ARAP2: variants seen among roughly 807,000 people sequenced by gnomAD.
ARAP2 encodes the protein ArfGAP with RhoGAP domain, ankyrin repeat and PH domain 2, also known as arf-GAP with Rho-GAP domain, ANK repeat and PH domain-containing protein 2.
In ARAP2, 148 loss-of-function variants were observed where a neutral mutation model predicts 194.5. That is an observed-to-expected ratio of 0.76 (90% CI 0.67 to 0.87). The LOEUF is 0.87. Among genes scored for constraint, ARAP2 ranks in the 40% least tolerant of loss-of-function variants. ARAP2 has a pLI of 0.00. For missense variants in ARAP2, 2,128 were observed against 1,989.7 expected (o/e 1.07, Z -1.32); for synonymous variants, 695 against 683.5 (o/e 1.02, Z -0.26).
At chr4:36,061,080 A>T (rs1265374372), downstream of ARAP2, among the ~76,000 whole-genome samples, 1 of 152,096 alleles carries the variant, frequency 6.6e-6, no homozygotes, top group Non-Finnish European at 1.5e-5. Flanking sequence ...AAAAAATTTA[A>T]TTTTTATGGG....
Position 36,202,366 on chromosome 4 carries a change from C to A in ARAP2, c.1487+8024G>T, listed in dbSNP as rs73127496. 6.2e-3 allele frequency among the ~76,000 whole-genome samples: 941 copies of A among 152,138 alleles called. 12 individuals are homozygous for A. The highest frequency in any genetic ancestry group is 0.022 in the African/African-American group (896 of 41,526). On this transcript the variant is annotated intron_variant, in intron 6 of 32. Coordinates refer to ENST00000303965, the MANE Select transcript of ARAP2 (RefSeq NM_015230.4). The stretch of plus-strand genomic sequence containing the variant: ...TAAAGAGCACTTTCTCACTTTTGAG[C>A]AAACCAAAATAGCAATTTCCAAGAT...
At chr4:36,206,432 G>C (rs1157835682) in intron 6 of ARAP2, among the ~76,000 whole-genome samples, 1 of 152,066 alleles carries the variant, frequency 6.6e-6, no homozygotes, top group Non-Finnish European at 1.5e-5. Flanking sequence ...ACCTCCACCT[G>C]CTCACTATCT....
intron 15 of ARAP2, among the ~76,000 whole-genome samples, chr4:36,152,370 A>G (rs1258995810): frequency 6.6e-6 from 1 of 152,222 alleles, no homozygotes; most frequent in East Asian, 1.9e-4. Flanking sequence ...ATGAACACTC[A>G]TTGTGAGTTT....
chr4:36,024,252 AAT>A (rs961144906), intron 5 of ARAP2, among the ~76,000 whole-genome samples: 7 of 152,170 alleles, frequency 4.6e-5, no homozygotes, highest in Non-Finnish European at 1.0e-4. Context: ...ACGATTTATG[AAT>A]ATATATGTTT....
At chr4:36,012,288 G>T (rs1429954157) in intron 9 of ARAP2, among the ~76,000 whole-genome samples, 1 of 152,060 alleles carries the variant, frequency 6.6e-6, no homozygotes, top group East Asian at 1.9e-4. Flanking sequence ...TTGGACCTTA[G>T]GTCAATAAAT....
chr4:36,132,734 G>C (rs1725726501), intron 20 of ARAP2, among the ~76,000 whole-genome samples: 1 of 151,724 alleles, frequency 6.6e-6, no homozygotes, highest in Non-Finnish European at 1.5e-5. Flanking sequence ...CACAAATTGT[G>C]AAAATTAATA....
intron 19 of ARAP2, among the ~76,000 whole-genome samples, chr4:36,134,699 T>C (rs2109622651): frequency 6.7e-6 from 1 of 150,226 alleles, no homozygotes; most frequent in Admixed American, 6.7e-5. Context: ...CATTCTCCTT[T>C]ACTTAAGGTA....
chr4:36,115,571 C>T (rs1721117924), intron 25 of ARAP2, among the ~76,000 whole-genome samples: 1 of 151,956 alleles, frequency 6.6e-6, no homozygotes, highest in South Asian at 2.1e-4. Flanking sequence ...TAACACTCCA[C>T]ACTTGGGAAA....
intron 22 of ARAP2, among the ~76,000 whole-genome samples, chr4:36,122,270 T>A (rs67386194): frequency 0.098 from 14,902 of 151,816 alleles, 1,162 homozygotes; most frequent in African/African-American, 0.2. Flanking sequence ...TTACTAGGTA[T>A]ATACCCAAAG....
intron 26 of ARAP2, among the ~76,000 whole-genome samples, chr4:36,113,960 G>T (rs1180992995): frequency 5.3e-5 from 8 of 151,784 alleles, no homozygotes; most frequent in Admixed American, 6.6e-5. Flanking sequence ...CTAAAGTCTT[G>T]CACTGTATTT....
At chr4:36,219,285 G>A (rs1748663772) in intron 2 of ARAP2, among the ~76,000 whole-genome samples, 1 of 152,088 alleles carries the variant, frequency 6.6e-6, no homozygotes, top group Admixed American at 6.5e-5. Context: ...ATATGTCAAT[G>A]GGCAAATGGA....
chr4:36,029,140 C>G (rs1718479173), intron 5 of ARAP2, among the ~76,000 whole-genome samples: 1 of 152,020 alleles, frequency 6.6e-6, no homozygotes, highest in South Asian at 2.1e-4. Context: ...GATTCTGTTA[C>G]TTATATCTTC....
chr4:36,158,699 T>A, intron 15 of ARAP2, 31 bp downstream of exon 15: 1 of 1,541,272 alleles, frequency 6.5e-7, no homozygotes, highest in Non-Finnish European at 8.8e-7. Context: ...AGTTTTTATC[T>A]GATAATATCT....
At chr4:36,103,612 A>C (rs1230370540) in intron 27 of ARAP2, among the ~76,000 whole-genome samples, 1 of 151,810 alleles carries the variant, frequency 6.6e-6, no homozygotes, top group Admixed American at 6.6e-5. Flanking sequence ...TTTTCAAATT[A>C]GTTAGCTCTT....
At chr4:36,194,909 C>T (rs529168535) in intron 6 of ARAP2, among the ~76,000 whole-genome samples, 2 of 151,938 alleles carry the variant, frequency 1.3e-5, no homozygotes, top group East Asian at 1.9e-4. Context: ...TTTGGCCAGG[C>T]GTGGTGGCTC....
intron 28 of ARAP2, among the ~76,000 whole-genome samples, chr4:36,089,540 C>T (rs1477177664): frequency 6.6e-6 from 1 of 152,026 alleles, no homozygotes; most frequent in Non-Finnish European, 1.5e-5. Flanking sequence ...TGTGATTTTA[C>T]CCTTCCACCA....
intron 8 of ARAP2, among the ~76,000 whole-genome samples, chr4:36,180,789 A>G (rs1739055241): frequency 6.6e-6 from 1 of 152,248 alleles, no homozygotes; most frequent in Non-Finnish European, 1.5e-5. Context: ...ATAGCCTAGA[A>G]GAATTATCTA....
chr4:36,098,066 T>C (rs1051092411), intron 27 of ARAP2, among the ~76,000 whole-genome samples: 1 of 148,660 alleles, frequency 6.7e-6, no homozygotes, highest in East Asian at 2.0e-4. Flanking sequence ...AAAAAAAAAA[T>C]AGTTTTTCTA....
intron 5 of ARAP2, among the ~76,000 whole-genome samples, chr4:36,034,542 G>A (rs1248424022): frequency 6.6e-6 from 1 of 151,930 alleles, no homozygotes; most frequent in Non-Finnish European, 1.5e-5. Context: ...GAATCTTTTG[G>A]GCGGGACTAT....
Sources: gnomAD v4.1 joint callset for allele counts (sites outside exome capture counted in the v4.1 genomes callset) on GRCh38, gnomAD v4.1.1 for gene constraint, MANE v1.5 for transcripts, NCBI Gene and HGNC (gene_info 2026-07-23, HGNC 2026-07-21) for gene names.